The following HERC2 variants were observed in gnomAD, a reference collection of about 807,000 sequenced individuals.
HERC2 encodes E3 ubiquitin-protein ligase HERC2.
Under a neutral mutation model 537.7 loss-of-function variants are expected in HERC2, and 102 were observed. The observed-to-expected ratio is 0.19, with a 90% confidence interval of 0.16 to 0.22. HERC2 has a LOEUF of 0.22. HERC2 is among the 10% of genes least tolerant of loss of function. The pLI is 1.00. For missense variants in HERC2, 4,236 were observed against 6,198.2 expected, an observed-to-expected ratio of 0.68 and a Z score of 10.63; for synonymous variants, 2,224 against 2,466.2, an observed-to-expected ratio of 0.90 and a Z score of 2.91.
chr15:28,289,370 T>C (rs2076248980), intron 4 of HERC2, among the ~76,000 whole-genome samples: 1 of 150,150 alleles, frequency 6.7e-6, no homozygotes, highest in African/African-American at 2.4e-5. Context: ...TTTACAAATA[T>C]GATGTAAAAA....
In HERC2 at chr15:28,280,258, C is replaced by T. The variant is rs149140322; in HGVS notation, c.352G>A (p.Val118Met). 18 of 1,613,534 alleles carry T rather than the reference C, an allele frequency of 1.1e-5. No homozygotes were observed. In the African/African-American group the frequency reaches 2.1e-4, roughly 19 times the overall value. Reference protein sequence around the residue: ...DVNELKECLSVLVKEQQALAV... With the variant: ...DVNELKECLSMLVKEQQALAV... The stretch of plus-strand genomic sequence containing the variant: ...AGGGCCTGCTGCTCTTTAACCAGCA[C>T]AGAAAGACACTCCTTCAGTTCATTC... The change falls in exon 5 of 93, where the codon GTG becomes ATG. Residue 118 changes from valine (V) to methionine (M), a missense_variant. Physicochemically the swap from Val to Met is conservative, Grantham distance 21 (BLOSUM62 1). Around this residue, in one of 27 missense-constraint regions of HERC2, gnomAD observed 491 missense variants for 559.3 expected, o/e 0.88. Transcript: ENST00000261609.
At position 28,116,709 on chromosome 15, in the gene HERC2, G is replaced by A. The variant is rs781420272; in HGVS notation, c.13565C>T (p.Pro4522Leu). The A allele has an allele frequency of 3.2e-5, 52 of 1,613,702 alleles. No homozygotes were observed. Among genetic ancestry groups the A allele is most frequent in the East Asian group, 6.7e-5 (3 of 44,872 alleles). The change falls in exon 88 of 93, where the codon CCG becomes CTG. Residue 4522 changes from proline (P) to leucine (L), a missense_variant. By Grantham distance (98) the Pro-to-Leu change is moderately conservative (BLOSUM62 -3). Transcript: ENST00000261609. ...GANRDCYLLS[P>L]AARAPVHSSM... is the part of the protein sequence containing the mutation. ...GCTGTGCACGGGTGCTCTGGCGGCC[G>A]GGCTGAGCAGGTAGCAGTCTCGGTT...
rs770697933 is a variant in HERC2 at position 28,198,678 on chromosome 15, T to C, written c.7808A>G (p.His2603Arg). The change falls in exon 49 of 93, where the codon CAT (histidine) becomes CGT (arginine). Residue 2603 changes from histidine (H) to arginine (R), a missense_variant. By Grantham distance (29) the His-to-Arg change is conservative. Around this residue, in one of 27 missense-constraint regions of HERC2, gnomAD observed 606 missense variants for 884.5 expected, o/e 0.69. Transcript: ENST00000261609. Reference sequence around the variant, plus strand: ...CCAGTCACACTGCACATTGAGATCATGCAATCCATCTCTGTCCAGCTTGAT... The same window carrying C: ...CCAGTCACACTGCACATTGAGATCACGCAATCCATCTCTGTCCAGCTTGAT... ...KVIKLDRDGL[H>R]DLNVQCDWQQ... 5.0e-6 allele frequency: 8 copies of C among 1,614,182 alleles called. No individual in the cohort carries two copies. The highest frequency in any genetic ancestry group is 1.7e-5 in the Admixed American group (1 of 60,020).
In HERC2 at chr15:28,228,296, G is replaced by T. The variant is rs1213847042; in HGVS notation, c.5386C>A (p.Gln1796Lys). 6.2e-7 allele frequency: 1 copy of T among 1,612,932 alleles called. No homozygotes were observed. The highest frequency in any genetic ancestry group is 1.1e-5 in the South Asian group (1 of 91,020). ...AGGTCGAGGTTGTTTGCGCCGTGCT[G>T]CAGGGTGAGCATGCTGAGCATCACC... is the stretch of plus-strand genomic sequence containing the variant. ...LLVMLSMLTL[Q>K]HGANNLDLLL... The change falls in exon 35 of 93, where the codon CAG becomes AAG. Residue 1796 changes from glutamine (Q) to lysine (K), a missense_variant. By Grantham distance (53) the Gln-to-Lys change is moderately conservative (BLOSUM62 1). This residue lies in a region of HERC2 where 343 missense variants were observed against 417.2 expected (regional missense o/e 0.82). Coordinates refer to ENST00000261609, the MANE Select transcript of HERC2 (RefSeq NM_004667.6).
chr15:28,142,183 A>G, intron 76 of HERC2, 55 bp downstream of exon 76: 13 of 1,573,200 alleles, frequency 8.3e-6, no homozygotes, highest in African/African-American at 1.4e-5. Context: ...TTGTTACACT[A>G]TAGCTAAATA....
At chr15:28,166,265 A>C (rs1894128622) in intron 68 of HERC2, among the ~76,000 whole-genome samples, 1 of 152,232 alleles carries the variant, frequency 6.6e-6, no homozygotes, top group South Asian at 2.1e-4. Flanking sequence ...AAAAATCTTC[A>C]ACAAAATAGC....
In HERC2 at chr15:28,292,936, A is replaced by T; in HGVS notation, c.274T>A (p.Tyr92Asn). 1 of 1,611,228 alleles carries T rather than the reference A, an allele frequency of 6.2e-7. No individual in the cohort carries two copies. Among genetic ancestry groups the T allele is most frequent in the Non-Finnish European group, 8.5e-7 (1 of 1,179,590 alleles). Residue 92 changes from tyrosine to asparagine, a missense_variant, in exon 4 of 93, where the codon TAT (tyrosine) becomes AAT (asparagine). Tyr to Asn is a moderately radical substitution (Grantham distance 143). This residue lies in a region of HERC2 where 491 missense variants were observed against 559.3 expected (regional missense o/e 0.88). Transcript: ENST00000261609. The part of the protein sequence containing the change: ...KDEEETPAPI[Y>N]RAKSILDSWV... ...CTGTCCAGAATTGACTTGGCCCTAT[A>T]TATAGGTGCAGGAGTTTCTTCTTCA... is the stretch of plus-strand genomic sequence containing the variant.
At chr15:28,159,135 G>A (rs1893314169) in intron 69 of HERC2, among the ~76,000 whole-genome samples, 1 of 152,008 alleles carries the variant, frequency 6.6e-6, no homozygotes, top group Non-Finnish European at 1.5e-5. Flanking sequence ...TCCCTTTGTG[G>A]GTAACCCGAC....
At chr15:28,115,179 T>C (rs1397502317) in intron 89 of HERC2, 2 of 511,554 alleles carry the variant, frequency 3.9e-6, no homozygotes, top group African/African-American at 1.9e-5. Context: ...GCCCAAAAGC[T>C]CAGCTTCTTC....
At chr15:28,263,570 G>A (rs1236802124) in intron 14 of HERC2, among the ~76,000 whole-genome samples, 1 of 150,998 alleles carries the variant, frequency 6.6e-6, no homozygotes, top group Non-Finnish European at 1.5e-5. Flanking sequence ...CTGACCGGTG[G>A]TCAACTGTAC....
rs957072255 is a variant in HERC2 at position 28,219,321 on chromosome 15, G to C, written c.5846-650C>G. On this transcript the variant is annotated intron_variant, in intron 37 of 92. Coordinates refer to ENST00000261609, the MANE Select transcript of HERC2 (RefSeq NM_004667.6). ...GCAAATGAGGCCACCCTCTGCCGTGGGGCCACCCCTGCCCAGGCTCTGATG... is the reference window on the plus strand; with the variant it reads ...GCAAATGAGGCCACCCTCTGCCGTGCGGCCACCCCTGCCCAGGCTCTGATG... Among the ~76,000 whole-genome samples, 99 of 152,324 alleles carry C rather than the reference G, an allele frequency of 6.5e-4. 1 individual carries two copies. The highest frequency in any genetic ancestry group is 2.3e-3 in the African/African-American group (96 of 41,582).
chr15:28,223,161 G>A (rs1035543640), intron 35 of HERC2, among the ~76,000 whole-genome samples: 2 of 152,144 alleles, frequency 1.3e-5, no homozygotes, highest in African/African-American at 2.4e-5. Flanking sequence ...AACAGAAGCC[G>A]AGCTGCTGTC....
At chr15:28,114,587 G>A in intron 90 of HERC2, 25 bp downstream of exon 90, 1 of 1,604,714 alleles carries the variant, frequency 6.2e-7, no homozygotes, top group Non-Finnish European at 8.5e-7. Context: ...TTATGTCAAT[G>A]CAACAGAGAC....
intron 5 of HERC2, among the ~76,000 whole-genome samples, chr15:28,276,915 C>T (rs1334002589): frequency 6.6e-6 from 1 of 151,956 alleles, no homozygotes; most frequent in Non-Finnish European, 1.5e-5. Flanking sequence ...CCAGTCTCTA[C>T]AAATACAAAA....
chr15:28,180,000 G>A (rs1462161852), intron 57 of HERC2, among the ~76,000 whole-genome samples: 1 of 152,128 alleles, frequency 6.6e-6, no homozygotes, highest in Non-Finnish European at 1.5e-5. Context: ...AGTCACCTAA[G>A]CATATAGTGT....
chr15:28,135,091 T>C (rs1385760531), intron 79 of HERC2, among the ~76,000 whole-genome samples: 1 of 152,204 alleles, frequency 6.6e-6, no homozygotes, highest in Non-Finnish European at 1.5e-5. Context: ...GTTCATTCTT[T>C]TACAAATGGT....
intron 55 of HERC2, among the ~76,000 whole-genome samples, chr15:28,187,165 C>T (rs1435351998): frequency 2.0e-5 from 3 of 152,116 alleles, no homozygotes; most frequent in Non-Finnish European, 4.4e-5. Context: ...ATACACAAAT[C>T]AGAACAAATA....
In HERC2 at chr15:28,144,691, G is replaced by C. The variant is rs778689764; in HGVS notation, c.11122C>G (p.Pro3708Ala). 24 of 1,614,056 alleles carry C rather than the reference G, an allele frequency of 1.5e-5. No individual in the cohort carries two copies. Among genetic ancestry groups the C allele is most frequent in the Non-Finnish European group, 2.0e-5 (24 of 1,180,034 alleles). The change falls in exon 72 of 93, where the codon CCC (proline) becomes GCC (alanine). Residue 3708 changes from proline (P) to alanine (A), a missense_variant. Coordinates refer to ENST00000261609, the MANE Select transcript of HERC2 (RefSeq NM_004667.6). ...TCCTTACCAGCAGCTGGCATGATGG[G>C]ATAGACGGTGAAGCGCCAGCCCCAG... The part of the protein sequence containing the change: ...NGWGWRFTVY[P>A]IMPAAGPKEL...
chr15:28,116,411 T>G (rs1159154687), intron 88 of HERC2, among the ~76,000 whole-genome samples: 1 of 151,882 alleles, frequency 6.6e-6, no homozygotes, highest in Non-Finnish European at 1.5e-5. Flanking sequence ...GAGACGAGGT[T>G]TCACCACATT....
Sources: allele counts gnomAD v4.1 joint callset (sites outside exome capture counted in the v4.1 genomes callset), GRCh38; gene constraint gnomAD v4.1.1; regional missense constraint gnomAD v4.1.1; transcripts MANE v1.5; gene names NCBI Gene and HGNC (gene_info 2026-07-23, HGNC 2026-07-21).